Variants in NEK7 observed in about 807,000 individuals in gnomAD.
NEK7 encodes serine/threonine-protein kinase Nek7.
A neutral mutation model predicts 44.6 loss-of-function variants in NEK7; 18 were observed. The observed-to-expected ratio is 0.40, with a 90% CI of 0.28 to 0.60. The LOEUF (loss-of-function observed/expected upper bound fraction) is 0.60. NEK7 is among the 20% of genes least tolerant of loss of function. The pLI, the probability that NEK7 is intolerant of heterozygous loss-of-function variation, is 0.38. For synonymous variants in NEK7, 130 were observed against 121.1 expected (o/e 1.07, Z -0.48); for missense variants, 256 against 366.5 (o/e 0.70, Z 2.46).
intron 1 of NEK7, among the ~76,000 whole-genome samples, chr1:198,202,245 G>A (rs942426628): frequency 6.6e-6 from 1 of 151,820 alleles, no homozygotes. Context: ...CGTTGTAGGT[G>A]TCGTCAGGAA....
At chr1:198,289,314 G>T (rs1001088294) in intron 7 of NEK7, among the ~76,000 whole-genome samples, 2 of 151,968 alleles carry the variant, frequency 1.3e-5, no homozygotes, top group African/African-American at 4.8e-5. Context: ...TGTACTCTCC[G>T]ACTTAAAACA....
At chr1:198,311,879 G>C (rs939411752) in intron 9 of NEK7, among the ~76,000 whole-genome samples, 1 of 152,170 alleles carries the variant, frequency 6.6e-6, no homozygotes, top group African/African-American at 2.4e-5. Context: ...TGTTCATCAA[G>C]GATATTGGTC....
At chr1:198,302,514 C>G (rs1447916753) in intron 9 of NEK7, among the ~76,000 whole-genome samples, 1 of 151,978 alleles carries the variant, frequency 6.6e-6, no homozygotes, top group Non-Finnish European at 1.5e-5. Flanking sequence ...ATTGTTGAAA[C>G]AAGAAAAGTC....
At chr1:198,242,364 T>C (rs1054882781) in intron 2 of NEK7, among the ~76,000 whole-genome samples, 2 of 151,824 alleles carry the variant, frequency 1.3e-5, no homozygotes, top group Admixed American at 1.3e-4. Flanking sequence ...AAGTGTAATA[T>C]GATTTTCTCA....
chr1:198,294,910 T>C (rs780831075), intron 8 of NEK7, among the ~76,000 whole-genome samples: 36 of 152,212 alleles, frequency 2.4e-4, no homozygotes, highest in Non-Finnish European at 4.3e-4. Flanking sequence ...CAGTTGTGTT[T>C]CAATGTACTG....
intron 1 of NEK7, among the ~76,000 whole-genome samples, chr1:198,198,509 G>T (rs530747632): frequency 6.6e-6 from 1 of 152,302 alleles, no homozygotes; most frequent in Admixed American, 6.5e-5. Context: ...AGATTTTCAA[G>T]CCTGTCGACC....
chr1:198,162,020 C>T (rs1389186024), intron 1 of NEK7, among the ~76,000 whole-genome samples: 1 of 152,062 alleles, frequency 6.6e-6, no homozygotes, highest in Admixed American at 6.5e-5. Context: ...TCCCCCGCCC[C>T]AGTAAAAAAT....
At chr1:198,211,186 C>T (rs1388056100) in intron 1 of NEK7, among the ~76,000 whole-genome samples, 3 of 152,168 alleles carry the variant, frequency 2.0e-5, no homozygotes, top group East Asian at 3.9e-4. Flanking sequence ...TAATTCTTTT[C>T]CAGTTCTGTG....
intron 2 of NEK7, among the ~76,000 whole-genome samples, chr1:198,242,619 A>C (rs913554471): frequency 2.0e-5 from 3 of 149,916 alleles, no homozygotes; most frequent in East Asian, 2.0e-4. Context: ...GCGCTACTAC[A>C]CCCTGCTAGT....
intron 1 of NEK7, among the ~76,000 whole-genome samples, chr1:198,216,570 T>C (rs549673854): frequency 6.6e-6 from 1 of 150,638 alleles, no homozygotes; most frequent in Non-Finnish European, 1.5e-5. Context: ...GGAAAAGAAG[T>C]AACGAAGATC....
At chr1:198,190,316 C>T (rs976682731) in intron 1 of NEK7, among the ~76,000 whole-genome samples, 16 of 152,154 alleles carry the variant, frequency 1.1e-4, no homozygotes, top group Non-Finnish European at 1.5e-4. Context: ...AGCGTGCCTC[C>T]GTCTTCTTAA....
chr1:198,256,949 A>C (rs1315081988), intron 3 of NEK7, among the ~76,000 whole-genome samples: 1 of 152,174 alleles, frequency 6.6e-6, no homozygotes, highest in Non-Finnish European at 1.5e-5. Flanking sequence ...TTTTTATTTC[A>C]TCAGTCTGAC....
In NEK7 at chr1:198,164,689, C is replaced by T. The variant is rs550073260; in HGVS notation, c.-29+7413C>T. Among the ~76,000 whole-genome samples the T allele has an allele frequency of 4.6e-4, 70 of 152,242 alleles. 1 individual carries two copies. In the South Asian group the frequency reaches 8.7e-3, roughly 19 times the overall value. On this transcript the variant is annotated intron_variant, in intron 1 of 9. Coordinates refer to ENST00000367385, the MANE Select transcript of NEK7 (RefSeq NM_133494.3). ...CCTTCAGCAGTTCATAATATTTTTG[C>T]TGGTGGAGGGTCTTACCTCAATGTT...
chr1:198,188,677 T>C (rs1046355308), intron 1 of NEK7, among the ~76,000 whole-genome samples: 7 of 152,182 alleles, frequency 4.6e-5, no homozygotes, highest in African/African-American at 1.7e-4. Flanking sequence ...TCTCCTGATA[T>C]ATTATTATCA....
chr1:198,294,265 C>T lies in NEK7; in HGVS notation c.684+1226C>T, dbSNP rs532139227. Among the ~76,000 whole-genome samples the T allele has an allele frequency of 1.6e-4, 24 of 151,858 alleles. 1 individual carries two copies. In the South Asian group the frequency reaches 3.1e-3, roughly 20 times the overall value. The stretch of plus-strand genomic sequence containing the variant: ...ATTATGAGTCAGTAATGTAACAAAA[C>T]ATGTTTTTATATGTGCACGAGATTA... On this transcript the variant is annotated intron_variant, in intron 8 of 9. Transcript: ENST00000367385.
In NEK7 at chr1:198,157,285, CTG is replaced by C. The variant is rs1218597029; in HGVS notation, c.-29+10_-29+11del. On this transcript the variant is annotated intron_variant, in intron 1 of 9. Coordinates refer to ENST00000367385, the MANE Select transcript of NEK7 (RefSeq NM_133494.3). The stretch of plus-strand genomic sequence containing the variant: ...AAACTCCCAACTTCCTGGTGAGTCG[CTG>C]CCCAGGGTTCAGGCGCCCGGACCGG... The C allele has an allele frequency of 6.6e-6, 1 of 152,100 alleles. No homozygotes were observed. The highest frequency in any genetic ancestry group is 1.5e-5 in the Non-Finnish European group (1 of 68,022). 9.4% of individuals were successfully genotyped at this position (152,100 alleles called of 1,614,324 possible).
chr1:198,227,739 T>G lies in NEK7; in HGVS notation c.-28-4814T>G, dbSNP rs544254230. On this transcript the variant is annotated intron_variant, in intron 1 of 9. Transcript: ENST00000367385. ...TGTTTGTTTTTTTCTTGTAAATTTG[T>G]TTGAGTTTATTGTAGATTCTGGATA... 7.2e-5 allele frequency among the ~76,000 whole-genome samples: 11 copies of G among 152,330 alleles called. No individual in the cohort carries two copies. In the East Asian group the frequency reaches 2.1e-3, roughly 29 times the overall value.
In NEK7 at chr1:198,310,918, C is replaced by T. The variant is rs988814491; in HGVS notation, c.799-8494C>T. On this transcript the variant is annotated intron_variant, in intron 9 of 9. Coordinates refer to ENST00000367385, the MANE Select transcript of NEK7 (RefSeq NM_133494.3). ...TTCGCTTAGGATTGACTTGGCGATG[C>T]GGGCTCTTTTTTGGTTCCATATGAA... Among the ~76,000 whole-genome samples, 36 of 149,342 alleles carry T rather than the reference C, an allele frequency of 2.4e-4. 1 individual carries two copies. Among genetic ancestry groups the T allele is most frequent in the Admixed American group, 1.4e-4 (2 of 14,740 alleles).
intron 9 of NEK7, 149 bp downstream of exon 9, chr1:198,297,389 G>A (rs1654744204): frequency 2.0e-6 from 2 of 976,568 alleles, no homozygotes; most frequent in Non-Finnish European, 1.5e-6. Context: ...TTCTCTTGGA[G>A]ACTTGCTGTC....
Sources: gnomAD v4.1 joint callset for allele counts (sites outside exome capture counted in the v4.1 genomes callset) on GRCh38, gnomAD v4.1.1 for gene constraint, MANE v1.5 for transcripts, NCBI Gene and HGNC (gene_info 2026-07-23, HGNC 2026-07-21) for gene names.